ADAM18: variants seen among roughly 807,000 people sequenced by gnomAD.
ADAM18 encodes ADAM metallopeptidase domain 18, also known as disintegrin and metalloproteinase domain-containing protein 18.
In ADAM18, 117 loss-of-function variants were observed where a neutral mutation model predicts 94.4. That is an observed-to-expected ratio of 1.24 (90% CI 1.07 to 1.45). The LOEUF is 1.45. ADAM18 is among the 40% of genes most tolerant of loss of function. The pLI is 0.00. For synonymous variants in ADAM18, 327 were observed against 291.6 expected (o/e 1.12, Z -1.24); for missense variants, 936 against 880.0 (o/e 1.06, Z -0.81).
intron 12 of ADAM18, among the ~76,000 whole-genome samples, chr8:39,655,493 G>C (rs529108007): frequency 6.6e-6 from 1 of 152,132 alleles, no homozygotes; most frequent in Admixed American, 6.5e-5. Flanking sequence ...GAGAAAAAAA[G>C]GAAAAGAGGG....
chr8:39,680,132 A>C lies in ADAM18; in HGVS notation c.1727A>C (p.His576Pro), dbSNP rs1188676357. Residue 576 changes from histidine to proline, a missense_variant, in exon 16 of 20, where the codon CAT (histidine) becomes CCT (proline). Transcript: ENST00000265707. ...QSTVYSYIQD[H>P]VCVSIATGSS... Reference sequence around the variant, plus strand: ...ACAGTTTATTCATATATTCAAGACCATGTATGTGTATCTATAGCCACTGGT... The same window carrying C: ...ACAGTTTATTCATATATTCAAGACCCTGTATGTGTATCTATAGCCACTGGT... 3 of 1,613,894 alleles carry C rather than the reference A, an allele frequency of 1.9e-6. No individual in the cohort carries two copies. The highest frequency in any genetic ancestry group is 2.5e-6 in the Non-Finnish European group (3 of 1,179,878).
At chr8:39,692,799 A>T in intron 17 of ADAM18, 119 bp downstream of exon 17, 1 of 630,070 alleles carries the variant, frequency 1.6e-6, no homozygotes. Flanking sequence ...TAATATAAAG[A>T]AAATTAACTG....
At chr8:39,594,362 A>G (rs779077390) in intron 2 of ADAM18, among the ~76,000 whole-genome samples, 23 of 152,202 alleles carry the variant, frequency 1.5e-4, no homozygotes, top group Non-Finnish European at 2.8e-4. Context: ...GGAAAACTCA[A>G]TATGAAAAGG....
chr8:39,595,735 G>A (rs1818722228), intron 2 of ADAM18, among the ~76,000 whole-genome samples: 1 of 152,042 alleles, frequency 6.6e-6, no homozygotes, highest in Non-Finnish European at 1.5e-5. Flanking sequence ...TGTTGGCCAG[G>A]CTGGTTTCAA....
At position 39,639,135 on chromosome 8, in the gene ADAM18, T is replaced by C. The variant is rs114258359; in HGVS notation, c.909+589T>C. ...TGAAGTACAAAATATAGTATATAGATAAAATTCCACAAGTCAAAGTTTATA... is the reference window on the plus strand; with the variant it reads ...TGAAGTACAAAATATAGTATATAGACAAAATTCCACAAGTCAAAGTTTATA... On this transcript the variant is annotated intron_variant, in intron 10 of 19. Transcript: ENST00000265707. Among the ~76,000 whole-genome samples, 855 of 152,006 alleles carry C rather than the reference T, an allele frequency of 5.6e-3. 3 individuals are homozygous for C. The highest frequency in any genetic ancestry group is 0.02 in the African/African-American group (812 of 41,542).
intron 6 of ADAM18, among the ~76,000 whole-genome samples, chr8:39,622,608 T>C (rs1585908892): frequency 1.3e-5 from 2 of 152,042 alleles, no homozygotes; most frequent in African/African-American, 4.8e-5. Flanking sequence ...GAAAAACATC[T>C]AGTTTTGTCA....
chr8:39,621,018 C>CT (rs1422837097), intron 6 of ADAM18, among the ~76,000 whole-genome samples: 3 of 151,860 alleles, frequency 2.0e-5, no homozygotes, highest in Non-Finnish European at 2.9e-5. Flanking sequence ...AAAAGACAAG[C>CT]TACAGACCTG....
At chr8:39,672,131 G>GA (rs1821174532) in intron 14 of ADAM18, among the ~76,000 whole-genome samples, 2 of 152,124 alleles carry the variant, frequency 1.3e-5, no homozygotes, top group Admixed American at 1.3e-4. Flanking sequence ...GCAGATAGTG[G>GA]AAAAAAGAAG....
chr8:39,655,410 T>C (rs1400741483), intron 12 of ADAM18, among the ~76,000 whole-genome samples: 1 of 152,136 alleles, frequency 6.6e-6, no homozygotes, highest in Non-Finnish European at 1.5e-5. Context: ...TTATGTTCTA[T>C]TGTTGGGGAT....
chr8:39,586,187 AGTATAT>A (rs1818387102), intron 2 of ADAM18, among the ~76,000 whole-genome samples: 1 of 152,220 alleles, frequency 6.6e-6, no homozygotes, highest in Non-Finnish European at 1.5e-5. Context: ...ATTATAATAA[AGTATAT>A]GTCAAATTAT....
chr8:39,702,819 C>T (rs1288800842), intron 17 of ADAM18, among the ~76,000 whole-genome samples: 1 of 152,082 alleles, frequency 6.6e-6, no homozygotes, highest in Non-Finnish European at 1.5e-5. Flanking sequence ...TGTCTGGGTT[C>T]TCTGCTGTTC....
At chr8:39,584,837 AG>A (rs1393347630) in intron 1 of ADAM18, among the ~76,000 whole-genome samples, 160 bp downstream of exon 1, 1 of 152,094 alleles carries the variant, frequency 6.6e-6, no homozygotes, top group South Asian at 2.1e-4. Flanking sequence ...ACGCCAGGCC[AG>A]GGGGAACTAA....
intron 2 of ADAM18, 91 bp from the exon 3 acceptor site, chr8:39,606,216 A>T: frequency 1.5e-6 from 1 of 681,812 alleles, no homozygotes. Context: ...TTTTTAATAG[A>T]TAGACTCTTT....
chr8:39,636,635 A>G (rs1326799222), intron 7 of ADAM18, among the ~76,000 whole-genome samples: 1 of 152,072 alleles, frequency 6.6e-6, no homozygotes, highest in Non-Finnish European at 1.5e-5. Flanking sequence ...TTTAATGGTA[A>G]AAGTACCTAA....
At chr8:39,701,007 A>G (rs1822054908) in intron 17 of ADAM18, among the ~76,000 whole-genome samples, 1 of 146,104 alleles carries the variant, frequency 6.8e-6, no homozygotes, top group Admixed American at 7.0e-5. Context: ...AGTCCCAGCT[A>G]CTTGGGAGGC....
chr8:39,638,917 A>G (rs1820160613), intron 10 of ADAM18, among the ~76,000 whole-genome samples: 1 of 151,872 alleles, frequency 6.6e-6, no homozygotes, highest in Non-Finnish European at 1.5e-5. Context: ...AATTTTACAC[A>G]TACTTTATGC....
intron 16 of ADAM18, among the ~76,000 whole-genome samples, 198 bp from the exon 17 acceptor site, chr8:39,692,402 A>G (rs1354991167): frequency 5.9e-5 from 9 of 151,660 alleles, no homozygotes; most frequent in Non-Finnish European, 1.3e-4. Context: ...TTTGCTTGCA[A>G]TTACTTTGTT....
chr8:39,592,387 C>T (rs1270788186), intron 2 of ADAM18, among the ~76,000 whole-genome samples: 1 of 152,084 alleles, frequency 6.6e-6, no homozygotes, highest in African/African-American at 2.4e-5. Context: ...GACACCTGCA[C>T]TTGTATGTTT....
At chr8:39,664,515 A>G (rs1471555029) in intron 13 of ADAM18, among the ~76,000 whole-genome samples, 1 of 152,176 alleles carries the variant, frequency 6.6e-6, no homozygotes, top group Non-Finnish European at 1.5e-5. Context: ...AAAGTTTACC[A>G]TCTTCTAAAT....
Sources: gnomAD v4.1 joint callset for allele counts (sites outside exome capture counted in the v4.1 genomes callset) on GRCh38, gnomAD v4.1.1 for gene constraint, MANE v1.5 for transcripts, NCBI Gene and HGNC (gene_info 2026-07-23, HGNC 2026-07-21) for gene names.